The following PRELID2 variants were observed in gnomAD, a reference collection of about 807,000 sequenced individuals.
PRELID2 encodes PRELI domain-containing protein 2.
A neutral mutation model predicts 28.4 loss-of-function variants in PRELID2; 25 were observed. The observed-to-expected ratio is 0.88, with a 90% CI of 0.64 to 1.23. The LOEUF is 1.23. Among genes scored for constraint, PRELID2 ranks in the 50% most tolerant of loss-of-function variants. The pLI, the probability that PRELID2 is intolerant of heterozygous loss-of-function variation, is 0.00. For synonymous variants in PRELID2, 76 were observed against 71.6 expected, an observed-to-expected ratio of 1.06 and a Z score of -0.31; for missense variants, 201 against 214.4, an observed-to-expected ratio of 0.94 and a Z score of 0.39.
rs561247985 is a variant in PRELID2, at chr5:145,707,678, C to T, written n.70+57253G>A. 3.9e-5 allele frequency among the ~76,000 whole-genome samples: 6 copies of T among 152,192 alleles called. 1 individual carries two copies. In the South Asian group the frequency reaches 1.2e-3, roughly 32 times the overall value. ...CTGAGGAGAAATAAAAGGCTCTGAACGAACACTGAGAAATATTGGATCTTT... is the reference window on the plus strand; with the variant it reads ...CTGAGGAGAAATAAAAGGCTCTGAATGAACACTGAGAAATATTGGATCTTT... On this transcript the variant is annotated intron_variant and non_coding_transcript_variant, in intron 1 of 2. Coordinates refer to the PRELID2 transcript ENST00000510259.
At chr5:145,651,935 T>A (rs917913469) in intron 1 of PRELID2, among the ~76,000 whole-genome samples, 1 of 152,344 alleles carries the variant, frequency 6.6e-6, no homozygotes, top group African/African-American at 2.4e-5. Flanking sequence ...AGATAAAGGC[T>A]TCAGAAGATC....
At chr5:145,555,305 C>A (rs1752871852) in intron 1 of PRELID2, among the ~76,000 whole-genome samples, 1 of 152,140 alleles carries the variant, frequency 6.6e-6, no homozygotes, top group African/African-American at 2.4e-5. Context: ...ACCTTGAACT[C>A]TGAATTTTTA....
intron 1 of PRELID2, among the ~76,000 whole-genome samples, chr5:145,513,749 T>A (rs1055433924): frequency 6.6e-6 from 1 of 152,124 alleles, no homozygotes; most frequent in African/African-American, 2.4e-5. Flanking sequence ...CCCAGAGGAA[T>A]GTCGGGTTAC....
intron 1 of PRELID2, among the ~76,000 whole-genome samples, chr5:145,697,127 TAC>T (rs1755297446): frequency 7.0e-6 from 1 of 142,930 alleles, no homozygotes; most frequent in Admixed American, 7.0e-5. Flanking sequence ...CATATATATA[TAC>T]ACACACATAG....
At chr5:145,333,555 G>A in the PRELID2 span, among the ~76,000 whole-genome samples, 1 of 152,148 alleles carries the variant, frequency 6.6e-6, no homozygotes, top group South Asian at 2.1e-4. Flanking sequence ...CTTCCCAATG[G>A]CTTTGTTTAC....
At chr5:145,332,423 C>A in the PRELID2 span, among the ~76,000 whole-genome samples, 1 of 152,120 alleles carries the variant, frequency 6.6e-6, no homozygotes, top group Non-Finnish European at 1.5e-5. Context: ...TGAGTTTGGT[C>A]TTTTCACATA....
the PRELID2 span, among the ~76,000 whole-genome samples, chr5:145,366,887 G>A: frequency 9.2e-5 from 14 of 151,822 alleles, no homozygotes; most frequent in African/African-American, 3.4e-4. Flanking sequence ...TTGCTCTTCT[G>A]AAATGTTTTT....
chr5:145,749,037 G>C (rs957825581), intron 1 of PRELID2, among the ~76,000 whole-genome samples: 1 of 152,066 alleles, frequency 6.6e-6, no homozygotes, highest in Admixed American at 6.6e-5. Flanking sequence ...AGAAAACCTA[G>C]GCAATACTAT....
chr5:145,391,808 A>G, the PRELID2 span, among the ~76,000 whole-genome samples: 132 of 151,872 alleles, frequency 8.7e-4, 2 homozygotes, highest in South Asian at 0.016. Flanking sequence ...CATCTCTCTC[A>G]AGTTCAAAGT....
chr5:145,340,353 C>T, the PRELID2 span, among the ~76,000 whole-genome samples: 2 of 152,248 alleles, frequency 1.3e-5, no homozygotes, highest in South Asian at 4.1e-4. Flanking sequence ...TAGGTTGCTC[C>T]AACAGTCCCA....
intron 4 of PRELID2, among the ~76,000 whole-genome samples, chr5:145,805,731 A>G (rs1753453456): frequency 6.6e-6 from 1 of 152,216 alleles, no homozygotes; most frequent in African/African-American, 2.4e-5. Flanking sequence ...CAAACATCAT[A>G]GAGTGTACTT....
At chr5:145,819,881 C>T in intron 3 of PRELID2, 64 bp downstream of exon 3, 1 of 1,037,746 alleles carries the variant, frequency 9.6e-7, no homozygotes, top group Non-Finnish European at 1.5e-6. Flanking sequence ...AATGCTGTTC[C>T]TTTTCATGAC....
chr5:145,388,182 A>T, the PRELID2 span, among the ~76,000 whole-genome samples: 1 of 152,292 alleles, frequency 6.6e-6, no homozygotes, highest in Non-Finnish European at 1.5e-5. Flanking sequence ...GGGTAAAAAT[A>T]AGATCTCTCA....
the PRELID2 span, among the ~76,000 whole-genome samples, chr5:145,351,786 C>A: frequency 6.6e-6 from 1 of 152,120 alleles, no homozygotes; most frequent in Non-Finnish European, 1.5e-5. Flanking sequence ...AGATACAATA[C>A]AGGTAGAGGC....
chr5:145,636,927 C>T (rs958828188), intron 1 of PRELID2, among the ~76,000 whole-genome samples: 1 of 152,056 alleles, frequency 6.6e-6, no homozygotes, highest in African/African-American at 2.4e-5. Context: ...AGGCTATTTC[C>T]ACTATTTTCA....
the PRELID2 span, among the ~76,000 whole-genome samples, chr5:145,447,182 A>G: frequency 1.1e-4 from 17 of 151,932 alleles, no homozygotes; most frequent in Non-Finnish European, 2.4e-4. Context: ...GCCTGGAGCC[A>G]AAAGGAGAGA....
At chr5:145,369,469 G>A in the PRELID2 span, among the ~76,000 whole-genome samples, 24 of 152,092 alleles carry the variant, frequency 1.6e-4, no homozygotes, top group African/African-American at 5.1e-4. Context: ...TTTTATGGCC[G>A]TGAAGTATTC....
rs529426683 is a variant in PRELID2 at position 145,739,523 on chromosome 5, T to C, written n.70+25408A>G. The stretch of plus-strand genomic sequence containing the variant: ...CCACCTCGAAAAACAAAAAGAAATT[T>C]TGGAACATCAACAAGAAAGAAAGAA... On this transcript the variant is annotated intron_variant and non_coding_transcript_variant, in intron 1 of 2. Coordinates refer to the PRELID2 transcript ENST00000510259. 1.4e-4 allele frequency among the ~76,000 whole-genome samples: 21 copies of C among 152,028 alleles called. No individual in the cohort carries two copies. In the South Asian group the frequency reaches 4.4e-3, roughly 32 times the overall value.
At chr5:145,599,753 G>T (rs1753362865) in intron 1 of PRELID2, among the ~76,000 whole-genome samples, 1 of 152,128 alleles carries the variant, frequency 6.6e-6, no homozygotes, top group Non-Finnish European at 1.5e-5. Context: ...CCCTGAAAAT[G>T]TCTTTCATAG....
Sources: allele counts gnomAD v4.1 joint callset (sites outside exome capture counted in the v4.1 genomes callset), GRCh38; gene constraint gnomAD v4.1.1; transcripts MANE v1.5; gene names NCBI Gene and HGNC (gene_info 2026-07-23, HGNC 2026-07-21).